Variants in RCAN2 observed in about 807,000 individuals in gnomAD.
RCAN2 encodes calcipressin-2.
RCAN2 carries 9 observed loss-of-function variants against 23.6 expected under a neutral mutation model. That is an observed-to-expected ratio of 0.38 (90% CI 0.23 to 0.67). The LOEUF (loss-of-function observed/expected upper bound fraction) is 0.67, where lower values mean the gene tolerates loss of function less well. Ranked by LOEUF, RCAN2 falls within the 30% of genes least tolerant of loss-of-function variation. The pLI is 0.51. For missense variants in RCAN2, 273 were observed against 302.3 expected (o/e 0.90, Z 0.72); for synonymous variants, 109 against 115.7 (o/e 0.94, Z 0.37).
At chr6:46,331,896 T>C (rs1313543387) in intron 2 of RCAN2, among the ~76,000 whole-genome samples, 1 of 152,214 alleles carries the variant, frequency 6.6e-6, no homozygotes, top group Non-Finnish European at 1.5e-5. Context: ...GATATCTTCG[T>C]TCTTACCAGC....
intron 1 of RCAN2, among the ~76,000 whole-genome samples, chr6:46,480,849 C>T (rs1768839879): frequency 6.6e-6 from 1 of 152,176 alleles, no homozygotes; most frequent in Non-Finnish European, 1.5e-5. Context: ...GTCTGGATCT[C>T]CTGACCTCGT....
At chr6:46,242,911 A>T (rs368454126) in intron 4 of RCAN2, among the ~76,000 whole-genome samples, 7 of 152,266 alleles carry the variant, frequency 4.6e-5, no homozygotes, top group African/African-American at 1.7e-4. Context: ...TTTATTGAGC[A>T]TCCACTATGT....
intron 2 of RCAN2, among the ~76,000 whole-genome samples, chr6:46,454,795 C>T (rs902315726): frequency 3.3e-5 from 5 of 152,126 alleles, no homozygotes; most frequent in Non-Finnish European, 7.3e-5. Flanking sequence ...TCTTGTAATC[C>T]TTTATTCAAT....
chr6:46,234,669 A>G (rs1210621184), intron 4 of RCAN2, among the ~76,000 whole-genome samples: 1 of 152,278 alleles, frequency 6.6e-6, no homozygotes, highest in Non-Finnish European at 1.5e-5. Context: ...TGCATTGGTC[A>G]GGGTTTTCTA....
intron 2 of RCAN2, among the ~76,000 whole-genome samples, chr6:46,370,006 T>C (rs769614599): frequency 2.6e-5 from 4 of 152,020 alleles, no homozygotes; most frequent in Non-Finnish European, 5.9e-5. Flanking sequence ...GCTTGGCCCT[T>C]CCACAGGAAA....
chr6:46,466,660 C>T (rs1394477991), intron 1 of RCAN2, among the ~76,000 whole-genome samples: 1 of 152,106 alleles, frequency 6.6e-6, no homozygotes, highest in African/African-American at 2.4e-5. Flanking sequence ...TCCACAGGAC[C>T]TGTCAAATTA....
chr6:46,351,693 G>A (rs576946031), intron 2 of RCAN2, among the ~76,000 whole-genome samples: 1 of 152,286 alleles, frequency 6.6e-6, no homozygotes, highest in Non-Finnish European at 1.5e-5. Context: ...AAATACCACT[G>A]GCAAGGATGG....
At position 46,282,281 on chromosome 6, in the gene RCAN2, C is replaced by A. The variant is rs564870051; in HGVS notation, c.226-33385G>T. Among the ~76,000 whole-genome samples, 11 of 151,952 alleles carry A rather than the reference C, an allele frequency of 7.2e-5. No homozygotes were observed. In the South Asian group the frequency reaches 1.2e-3, roughly 17 times the overall value. On this transcript the variant is annotated intron_variant, in intron 2 of 4. Transcript: ENST00000371374. ...TCACACTGGGCTGGGCACGGTGGCT[C>A]ACACCTGTAATCCCAGCACTTTGGG...
intron 2 of RCAN2, among the ~76,000 whole-genome samples, chr6:46,447,289 T>C (rs1468699925): frequency 9.9e-5 from 15 of 151,970 alleles, no homozygotes; most frequent in Non-Finnish European, 1.5e-5. Context: ...GTTGTAAATA[T>C]ACATGTGCCC....
intron 2 of RCAN2, among the ~76,000 whole-genome samples, chr6:46,359,729 C>T (rs1192887166): frequency 6.6e-6 from 1 of 152,106 alleles, no homozygotes; most frequent in Non-Finnish European, 1.5e-5. Context: ...ATAGTAGGGA[C>T]TGAATGAGTA....
intron 1 of RCAN2, among the ~76,000 whole-genome samples, chr6:46,469,547 C>G (rs931101655): frequency 3.3e-5 from 5 of 152,160 alleles, no homozygotes; most frequent in African/African-American, 1.2e-4. Context: ...GTAGGAACAG[C>G]TAGGTGATTT....
At chr6:46,469,475 A>T (rs1036364522) in intron 1 of RCAN2, among the ~76,000 whole-genome samples, 3 of 152,178 alleles carry the variant, frequency 2.0e-5, no homozygotes, top group African/African-American at 7.2e-5. Flanking sequence ...AAGGGTAGTA[A>T]GATTTCTGAG....
rs1407063935 is a variant in RCAN2 at position 46,331,029 on chromosome 6, C to T, written c.226-82133G>A. Among the ~76,000 whole-genome samples, 7 of 152,104 alleles carry T rather than the reference C, an allele frequency of 4.6e-5. 1 individual carries two copies. Among genetic ancestry groups the T allele is most frequent in the Admixed American group, 3.9e-4 (6 of 15,260 alleles). On this transcript the variant is annotated intron_variant, in intron 2 of 4. Transcript: ENST00000371374. ...TGCCTTCATGCTCAATGCCTAGGTG[C>T]GTTCATTTATTAGGATTTACACAAT...
chr6:46,306,719 C>G (rs1763081687), intron 2 of RCAN2, among the ~76,000 whole-genome samples: 1 of 152,100 alleles, frequency 6.6e-6, no homozygotes. Flanking sequence ...TATAGGAGCT[C>G]ACTAAACGTT....
intron 2 of RCAN2, among the ~76,000 whole-genome samples, chr6:46,448,533 A>T (rs1042134187): frequency 6.6e-6 from 1 of 151,986 alleles, no homozygotes; most frequent in East Asian, 1.9e-4. Flanking sequence ...AAGACAAGAA[A>T]ATTATAGACC....
intron 2 of RCAN2, among the ~76,000 whole-genome samples, chr6:46,340,642 C>T (rs1764286635): frequency 1.3e-5 from 2 of 152,202 alleles, no homozygotes; most frequent in African/African-American, 4.8e-5. Flanking sequence ...CCTCTTCTAT[C>T]ACATTGTGAT....
intron 2 of RCAN2, among the ~76,000 whole-genome samples, chr6:46,328,300 T>C (rs918747549): frequency 1.3e-5 from 2 of 152,212 alleles, no homozygotes; most frequent in Admixed American, 1.3e-4. Flanking sequence ...TGTCAACTCA[T>C]CTGTATAAGC....
intron 2 of RCAN2, among the ~76,000 whole-genome samples, chr6:46,415,708 A>T (rs1263956190): frequency 6.6e-6 from 1 of 152,208 alleles, no homozygotes; most frequent in Non-Finnish European, 1.5e-5. Context: ...TTAAAAAAAA[A>T]TTAATAAATA....
chr6:46,463,602 A>G (rs1215569947), intron 1 of RCAN2, among the ~76,000 whole-genome samples: 3 of 152,212 alleles, frequency 2.0e-5, no homozygotes, highest in Non-Finnish European at 4.4e-5. Flanking sequence ...AAAAAAATAC[A>G]TAAGAAAAGA....
Sources: gnomAD v4.1 joint callset for allele counts (sites outside exome capture counted in the v4.1 genomes callset) on GRCh38, gnomAD v4.1.1 for gene constraint, MANE v1.5 for transcripts, NCBI Gene and HGNC (gene_info 2026-07-23, HGNC 2026-07-21) for gene names.